Variants in FRMD5 observed in about 807,000 individuals in gnomAD.
The protein encoded by FRMD5 is FERM domain-containing protein 5.
Under a neutral mutation model 69.0 loss-of-function variants are expected in FRMD5, and 20 were observed. The ratio of observed to expected loss-of-function variants is 0.29; its 90% CI spans 0.20 to 0.42. The LOEUF (loss-of-function observed/expected upper bound fraction) is 0.42, where lower values mean the gene tolerates loss of function less well. Ranked by LOEUF, FRMD5 falls within the 10% of genes least tolerant of loss-of-function variation. The pLI, the probability that FRMD5 is intolerant of heterozygous loss-of-function variation, is 1.00. For synonymous variants in FRMD5, 271 were observed against 260.1 expected, an observed-to-expected ratio of 1.04 and a Z score of -0.40; for missense variants, 595 against 708.6, an observed-to-expected ratio of 0.84 and a Z score of 1.82.
intron 1 of FRMD5, among the ~76,000 whole-genome samples, chr15:44,146,199 G>A (rs892832161): frequency 6.6e-6 from 1 of 151,964 alleles, no homozygotes; most frequent in African/African-American, 2.4e-5. Flanking sequence ...TTCCCCTTCC[G>A]TGTCCATGTG....
rs143495346 is a variant in FRMD5, at chr15:44,018,711, C to T, written c.103-94402G>A. ...GGCCCTAATCCTTTCTTTTTCCATTCTTCTTTATCATCTGGTCAAATAGAG... is the reference window on the plus strand; with the variant it reads ...GGCCCTAATCCTTTCTTTTTCCATTTTTCTTTATCATCTGGTCAAATAGAG... On this transcript the variant is annotated intron_variant, in intron 1 of 13. Coordinates refer to ENST00000417257, the MANE Select transcript of FRMD5 (RefSeq NM_032892.5). Among the ~76,000 whole-genome samples the T allele has an allele frequency of 3.0e-3, 450 of 152,182 alleles. 2 individuals carry two copies. Among genetic ancestry groups the T allele is most frequent in the Non-Finnish European group, 4.7e-3 (321 of 68,010 alleles).
intron 1 of FRMD5, among the ~76,000 whole-genome samples, chr15:44,188,465 T>A (rs2078139335): frequency 1.3e-5 from 2 of 152,230 alleles, no homozygotes; most frequent in Admixed American, 6.5e-5. Flanking sequence ...CCAGTAGTAG[T>A]GATTCTCAAA....
chr15:43,892,799 G>A (rs1374444669), intron 7 of FRMD5, among the ~76,000 whole-genome samples: 1 of 152,206 alleles, frequency 6.6e-6, no homozygotes, highest in Non-Finnish European at 1.5e-5. Flanking sequence ...CCACTGAATT[G>A]TACACTTTAA....
At chr15:44,107,895 T>A (rs1169381317) in intron 1 of FRMD5, among the ~76,000 whole-genome samples, 2 of 152,326 alleles carry the variant, frequency 1.3e-5, no homozygotes, top group African/African-American at 4.8e-5. Context: ...CACAGAAATA[T>A]GACAATTAAT....
intron 1 of FRMD5, among the ~76,000 whole-genome samples, chr15:44,051,470 A>G (rs1227396351): frequency 6.6e-6 from 1 of 151,842 alleles, no homozygotes; most frequent in African/African-American, 2.4e-5. Context: ...AACATAGTAC[A>G]GACTTCCAAT....
intron 1 of FRMD5, among the ~76,000 whole-genome samples, chr15:43,935,819 A>G (rs2089751239): frequency 6.6e-6 from 1 of 152,170 alleles, no homozygotes; most frequent in African/African-American, 2.4e-5. Flanking sequence ...AAATCTTAAC[A>G]TCTGCTGCCA....
intron 1 of FRMD5, among the ~76,000 whole-genome samples, chr15:44,178,804 C>T (rs2077945522): frequency 6.6e-6 from 1 of 152,098 alleles, no homozygotes; most frequent in Non-Finnish European, 1.5e-5. Flanking sequence ...ACCAGCCTGA[C>T]CAACATGGTA....
intron 1 of FRMD5, among the ~76,000 whole-genome samples, chr15:44,130,711 AG>A (rs1033638910): frequency 3.3e-5 from 5 of 152,300 alleles, no homozygotes; most frequent in African/African-American, 1.2e-4. Context: ...AATGGAAAAA[AG>A]TAAGAGGGAG....
At chr15:44,197,239 A>G (rs1248141221), upstream of FRMD5, among the ~76,000 whole-genome samples, 2 of 152,014 alleles carry the variant, frequency 1.3e-5, no homozygotes, top group South Asian at 2.1e-4. Context: ...AATGGAATTG[A>G]CAGGTGTTCT....
intron 1 of FRMD5, among the ~76,000 whole-genome samples, chr15:43,939,505 G>C (rs2140483984): frequency 6.6e-6 from 1 of 152,228 alleles, no homozygotes; most frequent in South Asian, 2.1e-4. Context: ...TCCCCAGGTA[G>C]AGTGTCTTAT....
intron 1 of FRMD5, among the ~76,000 whole-genome samples, chr15:44,173,319 T>G (rs1225150281): frequency 6.6e-6 from 1 of 152,254 alleles, no homozygotes; most frequent in African/African-American, 2.4e-5. Flanking sequence ...AAATAAAAAC[T>G]ATTTCATTTT....
At chr15:43,930,112 A>G (rs1021618947) in intron 1 of FRMD5, among the ~76,000 whole-genome samples, 1 of 152,208 alleles carries the variant, frequency 6.6e-6, no homozygotes, top group Non-Finnish European at 1.5e-5. Context: ...AGAACCTCAG[A>G]TTCCCTAACT....
In FRMD5 at chr15:43,929,130, G is replaced by C. The variant is rs568514250; in HGVS notation, c.103-4821C>G. Among the ~76,000 whole-genome samples, 19 of 152,244 alleles carry C rather than the reference G, an allele frequency of 1.2e-4. No homozygotes were observed. The East Asian group carries it at 2.7e-3, about 22-fold the overall frequency. ...TCTTGGAATCACTGTGCAGCTCTGAGGGTGGGATAATTCCTATTTTTGCTC... is the reference window on the plus strand; with the variant it reads ...TCTTGGAATCACTGTGCAGCTCTGACGGTGGGATAATTCCTATTTTTGCTC... On this transcript the variant is annotated intron_variant, in intron 1 of 13. Transcript: ENST00000417257.
chr15:44,098,832 T>A (rs769242459), intron 1 of FRMD5, among the ~76,000 whole-genome samples: 2 of 152,198 alleles, frequency 1.3e-5, no homozygotes, highest in African/African-American at 2.4e-5. Context: ...TCTACACACT[T>A]CATGCAAAGC....
At chr15:44,103,635 T>C (rs189561545) in intron 1 of FRMD5, among the ~76,000 whole-genome samples, 1 of 152,298 alleles carries the variant, frequency 6.6e-6, no homozygotes. Flanking sequence ...CTTTAGAACA[T>C]TTTCATCACC....
intron 1 of FRMD5, among the ~76,000 whole-genome samples, chr15:44,129,038 TTA>T (rs1334716528): frequency 6.6e-6 from 1 of 152,116 alleles, no homozygotes; most frequent in East Asian, 1.9e-4. Flanking sequence ...CATTTCCACA[TTA>T]TAAAATCTCA....
intron 1 of FRMD5, among the ~76,000 whole-genome samples, chr15:44,152,625 C>T (rs765848456): frequency 2.6e-5 from 4 of 152,090 alleles, no homozygotes; most frequent in Non-Finnish European, 5.9e-5. Flanking sequence ...AACACTTGGC[C>T]TTAATTTTTT....
At chr15:43,989,093 C>T in intron 1 of FRMD5, 1 of 948,882 alleles carries the variant, frequency 1.1e-6, no homozygotes, top group Admixed American at 1.7e-5. Context: ...ATGGAGGTGC[C>T]TGACTCATCA....
rs576910517 is a variant in FRMD5 at position 43,871,037 on chromosome 15, A to G, written c.*2848T>C. ...CCTGATAGATGAAGCTATGAAAACC[A>G]TTGCTTTTTCTACAATGAGATAAAC... On this transcript the variant is annotated 3_prime_UTR_variant, in exon 14 of 14. Transcript: ENST00000417257. The G allele has an allele frequency of 2.0e-5, 3 of 152,280 alleles. No individual in the cohort carries two copies. The highest frequency in any genetic ancestry group is 7.2e-5 in the African/African-American group (3 of 41,576). 9.4% of individuals were successfully genotyped at this position (152,280 alleles called of 1,614,324 possible). A position where few individuals can be genotyped will look rare whatever the true frequency, so the allele number is the denominator to read the frequency against.
Sources: gnomAD v4.1 joint callset for allele counts (sites outside exome capture counted in the v4.1 genomes callset) on GRCh38, gnomAD v4.1.1 for gene constraint, MANE v1.5 for transcripts, NCBI Gene and HGNC (gene_info 2026-07-23, HGNC 2026-07-21) for gene names.